C4orf17: variants seen among roughly 807,000 people sequenced by gnomAD.
The protein encoded by C4orf17 is chromosome 4 open reading frame 17.
Under a neutral mutation model 32.0 loss-of-function variants are expected in C4orf17, and 25 were observed. The observed-to-expected ratio is 0.78, with a 90% CI of 0.57 to 1.09. The LOEUF is 1.09. Ranked by LOEUF, C4orf17 falls within the 50% of genes least tolerant of loss-of-function variation. The pLI, the probability that C4orf17 is intolerant of heterozygous loss-of-function variation, is 0.00. For missense variants in C4orf17, 420 were observed against 420.0 expected (o/e 1.00, Z 0.00); for synonymous variants, 149 against 145.8 (o/e 1.02, Z -0.16).
At chr4:99,526,651 C>CTTTTTTTT (rs145120945) in intron 4 of C4orf17, among the ~76,000 whole-genome samples, 1 of 137,612 alleles carries the variant, frequency 7.3e-6, no homozygotes, top group African/African-American at 2.6e-5. Flanking sequence ...CTTTTCTTTT[C>CTTTTTTTT]TTTTTTTTTT....
In C4orf17 at chr4:99,522,623, CCT is replaced by C; in HGVS notation, c.253_254del (p.Ser85GlnfsTer28). The C allele has an allele frequency of 1.9e-6, 3 of 1,613,962 alleles. No homozygotes were observed. Among genetic ancestry groups the C allele is most frequent in the Non-Finnish European group, 2.5e-6 (3 of 1,179,920 alleles). On this transcript the variant is annotated frameshift_variant, in exon 3 of 9. Transcript: ENST00000326581. LOFTEE classifies it high-confidence loss of function. ...ATACCATTTGCCAATTGCAGTTACC[CCT>C]CCAGCACTGCAGTCCAGGAGAGCCC...
intron 4 of C4orf17, among the ~76,000 whole-genome samples, chr4:99,525,074 A>C (rs1402381652): frequency 6.6e-6 from 1 of 152,134 alleles, no homozygotes. Flanking sequence ...CAATGTGTTG[A>C]TCTATTTACC....
At position 99,513,107 on chromosome 4, in the gene C4orf17, C is replaced by G. The variant is rs1230839535; in HGVS notation, c.26C>G (p.Ala9Gly). 1.2e-6 allele frequency: 2 copies of G among 1,613,896 alleles called. No individual in the cohort carries two copies. The highest frequency in any genetic ancestry group is 4.5e-5 in the East Asian group (2 of 44,880). The change falls in exon 2 of 9, where the codon GCT becomes GGT. Residue 9 changes from alanine (A) to glycine (G), a missense_variant. Coordinates refer to ENST00000326581, the MANE Select transcript of C4orf17 (RefSeq NM_032149.3). ...ATGAACCTCAACCCCCCGACATCTG[C>G]TCTTCAGATCGAGGGCAAAGGCAGC... The part of the protein sequence containing the change: MNLNPPTS[A>G]LQIEGKGSHI...
intron 2 of C4orf17, among the ~76,000 whole-genome samples, chr4:99,517,303 A>G (rs988760301): frequency 6.6e-6 from 1 of 152,154 alleles, no homozygotes; most frequent in African/African-American, 2.4e-5. Context: ...GGTTCAAATA[A>G]CCAATCACTA....
At position 99,513,298 on chromosome 4, in the gene C4orf17, CA is replaced by C. The variant is rs1723127266; in HGVS notation, c.127+94del. 7 of 1,495,294 alleles carry C rather than the reference CA, an allele frequency of 4.7e-6. No individual in the cohort carries two copies. In the South Asian group the frequency reaches 8.1e-5, roughly 17 times the overall value. The allele number at this position is 1,495,294 out of a possible 1,614,324, so 92.6% of individuals were successfully genotyped here. A position where few individuals can be genotyped will look rare whatever the true frequency, so the allele number is the denominator to read the frequency against. On this transcript the variant is annotated intron_variant, in intron 2 of 8. Coordinates refer to ENST00000326581, the MANE Select transcript of C4orf17 (RefSeq NM_032149.3). ...GGCAGGTAAACACAACGCTGCTATTCAAAATATTTAACCACTGGAGAGGTAT... is the reference window on the plus strand; with the variant it reads ...GGCAGGTAAACACAACGCTGCTATTCAAATATTTAACCACTGGAGAGGTAT...
intron 2 of C4orf17, among the ~76,000 whole-genome samples, chr4:99,520,978 G>T (rs1487014599): frequency 6.6e-6 from 1 of 152,126 alleles, no homozygotes; most frequent in Non-Finnish European, 1.5e-5. Flanking sequence ...AATCAGAAAT[G>T]TAAAATCATT....
intron 2 of C4orf17, among the ~76,000 whole-genome samples, chr4:99,517,668 A>C (rs748368783): frequency 4.6e-5 from 7 of 152,046 alleles, no homozygotes; most frequent in Non-Finnish European, 7.3e-5. Context: ...TTTGTTCTTC[A>C]GTAAATGCTG....
Position 99,520,553 on chromosome 4 carries a change from A to G in C4orf17, c.128-1947A>G, listed in dbSNP as rs1723268833. Among the ~76,000 whole-genome samples, 3 of 152,170 alleles carry G rather than the reference A, an allele frequency of 2.0e-5. 1 individual carries two copies. Among genetic ancestry groups the G allele is most frequent in the Admixed American group, 6.5e-5 (1 of 15,286 alleles). On this transcript the variant is annotated intron_variant, in intron 2 of 8. Coordinates refer to ENST00000326581, the MANE Select transcript of C4orf17 (RefSeq NM_032149.3). Reference sequence around the variant, plus strand: ...TCTGCTTCACATTTTCTTATCATATACTATAAAACTATTGGCAGGCAAGGG... The same window carrying G: ...TCTGCTTCACATTTTCTTATCATATGCTATAAAACTATTGGCAGGCAAGGG...
intron 2 of C4orf17, chr4:99,519,111 C>T (rs1237481062): frequency 6.6e-6 from 1 of 152,230 alleles, no homozygotes; most frequent in Non-Finnish European, 1.5e-5. Context: ...ACTGCGGATA[C>T]AATAGGGACC....
At chr4:99,517,591 T>C (rs540922378) in intron 2 of C4orf17, among the ~76,000 whole-genome samples, 20 of 151,796 alleles carry the variant, frequency 1.3e-4, no homozygotes, top group African/African-American at 4.6e-4. Flanking sequence ...AAAATGTAGA[T>C]TCTGTAACAA....
At chr4:99,531,789 C>T (rs1197386579) in intron 5 of C4orf17, among the ~76,000 whole-genome samples, 1 of 152,074 alleles carries the variant, frequency 6.6e-6, no homozygotes, top group African/African-American at 2.4e-5. Context: ...GATGTTTTGG[C>T]TTGTATAAAA....
At chr4:99,525,969 T>G (rs1340855891) in intron 4 of C4orf17, among the ~76,000 whole-genome samples, 1 of 152,194 alleles carries the variant, frequency 6.6e-6, no homozygotes, top group Non-Finnish European at 1.5e-5. Flanking sequence ...CCATCATAGT[T>G]TCGCATCTGC....
chr4:99,522,458 G>A, intron 2 of C4orf17, 42 bp from the exon 3 acceptor site: 2 of 1,458,272 alleles, frequency 1.4e-6, no homozygotes, highest in Non-Finnish European at 1.9e-6. Context: ...CATCTAATCT[G>A]GTTGCTTGAT....
At chr4:99,521,524 A>T (rs1428501646) in intron 2 of C4orf17, among the ~76,000 whole-genome samples, 2 of 152,232 alleles carry the variant, frequency 1.3e-5, no homozygotes, top group Non-Finnish European at 2.9e-5. Context: ...ATGCTGTGGA[A>T]AAAATAAAAG....
rs1723125047 is a variant in C4orf17 at position 99,513,169 on chromosome 4, A to G, written c.88A>G (p.Arg30Gly). The change falls in exon 2 of 9, where the codon AGG becomes GGG. Residue 30 changes from arginine to glycine, a missense_variant. Coordinates refer to ENST00000326581, the MANE Select transcript of C4orf17 (RefSeq NM_032149.3). ...MARNVSCFLV[R>G]HTPHPRRVCH... ...TAGAAATGTAAGCTGCTTTCTAGTC[A>G]GGCACACCCCTCATCCCAGAAGAGT... The G allele has an allele frequency of 6.2e-7, 1 of 1,613,952 alleles. No homozygotes were observed. Among genetic ancestry groups the G allele is most frequent in the Non-Finnish European group, 8.5e-7 (1 of 1,179,852 alleles).
intron 2 of C4orf17, 131 bp from the exon 3 acceptor site, chr4:99,522,369 A>T (rs1578189308): frequency 7.3e-6 from 5 of 687,648 alleles, no homozygotes; most frequent in South Asian, 4.2e-5. Flanking sequence ...GGTTTATACA[A>T]TTTGAAGTTC....
Position 99,513,087 on chromosome 4 carries a change from C to A in C4orf17, c.6C>A (p.Asn2Lys), listed in dbSNP as rs1371581730. 2.5e-6 allele frequency: 4 copies of A among 1,613,682 alleles called. 1 individual carries two copies. The highest frequency in any genetic ancestry group is 1.7e-6 in the Non-Finnish European group (2 of 1,179,768). M[N>K]LNPPTSALQI... ...AAAATAAACACACCACAAACATGAACCTCAACCCCCCGACATCTGCTCTTC... is the reference window on the plus strand; with the variant it reads ...AAAATAAACACACCACAAACATGAAACTCAACCCCCCGACATCTGCTCTTC... The change falls in exon 2 of 9, where the codon AAC (asparagine) becomes AAA (lysine). Residue 2 changes from asparagine to lysine, a missense_variant. Transcript: ENST00000326581.
Position 99,514,351 on chromosome 4 carries a change from C to T in C4orf17, c.127+1143C>T, listed in dbSNP as rs137885572. On this transcript the variant is annotated intron_variant, in intron 2 of 8. Coordinates refer to ENST00000326581, the MANE Select transcript of C4orf17 (RefSeq NM_032149.3). ...AGTGGGAGAAAATATTTGCAAACTA[C>T]GCATCCGACAAAGGACTAATATCCA... is the stretch of plus-strand genomic sequence containing the variant. Among the ~76,000 whole-genome samples, 48 of 152,050 alleles carry T rather than the reference C, an allele frequency of 3.2e-4. 1 individual carries two copies. In the East Asian group the frequency reaches 4.6e-3, roughly 15 times the overall value.
At chr4:99,516,447 G>T (rs889762874) in intron 2 of C4orf17, among the ~76,000 whole-genome samples, 1 of 152,140 alleles carries the variant, frequency 6.6e-6, no homozygotes, top group Non-Finnish European at 1.5e-5. Flanking sequence ...CATGAATATT[G>T]ATCATCTCTT....
Sources: allele counts gnomAD v4.1 joint callset (sites outside exome capture counted in the v4.1 genomes callset), GRCh38; gene constraint gnomAD v4.1.1; transcripts MANE v1.5; gene names NCBI Gene and HGNC (gene_info 2026-07-23, HGNC 2026-07-21).